Variants in PLD5 observed in about 807,000 individuals in gnomAD.
PLD5 encodes inactive phospholipase D5.
In PLD5, 36 loss-of-function variants were observed where a neutral mutation model predicts 61.1. That is an observed-to-expected ratio of 0.59 (90% CI 0.45 to 0.78). PLD5 has a LOEUF of 0.78. Ranked by LOEUF, PLD5 falls within the 30% of genes least tolerant of loss-of-function variation. The pLI, the probability that PLD5 is intolerant of heterozygous loss-of-function variation, is 0.00. For synonymous variants in PLD5, 243 were observed against 242.8 expected (o/e 1.00, Z -0.01); for missense variants, 515 against 644.4 (o/e 0.80, Z 2.17).
intron 1 of PLD5, among the ~76,000 whole-genome samples, chr1:242,409,546 T>C (rs1004929104): frequency 1.3e-5 from 2 of 152,058 alleles, no homozygotes; most frequent in African/African-American, 4.8e-5. Context: ...AGGTGCTTTG[T>C]GTGTATGGTT....
chr1:242,136,356 T>A (rs1663726281), intron 5 of PLD5, among the ~76,000 whole-genome samples: 2 of 152,204 alleles, frequency 1.3e-5, no homozygotes, highest in South Asian at 4.1e-4. Context: ...CATCGACCTT[T>A]GTGCTGTATC....
At chr1:242,275,357 TTTAC>T (rs1481140015) in intron 3 of PLD5, among the ~76,000 whole-genome samples, 5 of 152,006 alleles carry the variant, frequency 3.3e-5, no homozygotes, top group Non-Finnish European at 7.4e-5. Context: ...TTGATATTTA[TTTAC>T]TTATATTACT....
chr1:242,212,769 A>T (rs560253143), intron 5 of PLD5, among the ~76,000 whole-genome samples: 2 of 152,222 alleles, frequency 1.3e-5, no homozygotes, highest in Non-Finnish European at 2.9e-5. Context: ...TACAAGCGAC[A>T]TCCCAGATTG....
At chr1:242,304,317 G>C (rs966004497) in intron 2 of PLD5, among the ~76,000 whole-genome samples, 1 of 152,206 alleles carries the variant, frequency 6.6e-6, no homozygotes, top group Admixed American at 6.5e-5. Context: ...TGGCCACACA[G>C]CACAGAAGAC....
At chr1:242,370,469 T>C (rs561866404) in intron 1 of PLD5, among the ~76,000 whole-genome samples, 1 of 152,014 alleles carries the variant, frequency 6.6e-6, no homozygotes, top group South Asian at 2.1e-4. Flanking sequence ...AGAATAGATG[T>C]GCCATTCTAA....
At chr1:242,152,057 A>G (rs913869509) in intron 5 of PLD5, among the ~76,000 whole-genome samples, 3 of 151,802 alleles carry the variant, frequency 2.0e-5, no homozygotes, top group African/African-American at 7.3e-5. Flanking sequence ...ATTTATTATC[A>G]TGCAGTTTGT....
intron 1 of PLD5, among the ~76,000 whole-genome samples, chr1:242,520,571 T>A (rs1001721490): frequency 6.6e-6 from 1 of 152,094 alleles, no homozygotes; most frequent in African/African-American, 2.4e-5. Context: ...ATTGAATAAG[T>A]AGGAGAGAAA....
chr1:242,508,483 TC>T (rs1668802089), intron 1 of PLD5, among the ~76,000 whole-genome samples: 1 of 152,096 alleles, frequency 6.6e-6, no homozygotes, highest in Non-Finnish European at 1.5e-5. Context: ...ATTGAGGAGC[TC>T]TTCACCACGC....
chr1:242,343,780 C>CAA (rs68193025), intron 2 of PLD5, among the ~76,000 whole-genome samples: 7 of 143,198 alleles, frequency 4.9e-5, no homozygotes, highest in African/African-American at 1.0e-4. Context: ...AAAAAAAATT[C>CAA]AAAAAAAAAA....
chr1:242,112,434 G>A (rs142384108), intron 7 of PLD5, among the ~76,000 whole-genome samples: 2,483 of 151,938 alleles, frequency 0.016, 66 homozygotes, highest in African/African-American at 0.055. Flanking sequence ...CCTGGGCTCA[G>A]GCGATTCTCC....
chr1:242,100,406 A>T (rs962422662), intron 9 of PLD5, among the ~76,000 whole-genome samples: 3 of 152,230 alleles, frequency 2.0e-5, no homozygotes, highest in African/African-American at 4.8e-5. Context: ...ACAATGAGGC[A>T]AATGGACCAG....
chr1:242,311,197 A>G (rs1298860546), intron 2 of PLD5, among the ~76,000 whole-genome samples: 1 of 152,208 alleles, frequency 6.6e-6, no homozygotes, highest in Non-Finnish European at 1.5e-5. Flanking sequence ...ACCACAAATG[A>G]CTAAAAAAAA....
intron 5 of PLD5, among the ~76,000 whole-genome samples, chr1:242,203,953 T>C (rs376158000): frequency 2.0e-4 from 31 of 152,244 alleles, no homozygotes; most frequent in African/African-American, 7.5e-4. Flanking sequence ...TACAAAGTCT[T>C]AGGCCGGTTG....
rs568650563 is a variant in PLD5, at chr1:242,247,110, T to A, written c.607+18227A>T. Among the ~76,000 whole-genome samples the A allele has an allele frequency of 6.7e-4, 101 of 151,852 alleles. 1 individual carries two copies. Among genetic ancestry groups the A allele is most frequent in the Middle Eastern group, 3.4e-3 (1 of 294 alleles). ...GCCATTCTCCTGCCTCAGCCTCCCGTGTAGCTGGGACTACAGGCGCCCGCC... is the reference window on the plus strand; with the variant it reads ...GCCATTCTCCTGCCTCAGCCTCCCGAGTAGCTGGGACTACAGGCGCCCGCC... On this transcript the variant is annotated intron_variant, in intron 4 of 9. Transcript: ENST00000536534.
At chr1:242,347,933 T>C (rs1192553743) in intron 2 of PLD5, among the ~76,000 whole-genome samples, 173 bp downstream of exon 2, 1 of 152,166 alleles carries the variant, frequency 6.6e-6, no homozygotes, top group Non-Finnish European at 1.5e-5. Flanking sequence ...CAATCATTAC[T>C]CATTACTTGC....
intron 1 of PLD5, among the ~76,000 whole-genome samples, chr1:242,349,870 G>T (rs935357559): frequency 6.6e-6 from 1 of 152,136 alleles, no homozygotes; most frequent in Non-Finnish European, 1.5e-5. Flanking sequence ...ACAGAGTTTT[G>T]CCCTCATGAA....
At chr1:242,178,622 C>A (rs1246032914) in intron 5 of PLD5, among the ~76,000 whole-genome samples, 1 of 152,164 alleles carries the variant, frequency 6.6e-6, no homozygotes, top group African/African-American at 2.4e-5. Context: ...TTGTATTATG[C>A]TGCCAGCTAC....
chr1:242,178,127 A>G (rs1667289084), intron 5 of PLD5, among the ~76,000 whole-genome samples: 1 of 152,246 alleles, frequency 6.6e-6, no homozygotes, highest in Non-Finnish European at 1.5e-5. Flanking sequence ...ACCAGGTTAA[A>G]GCTTATCCAG....
intron 1 of PLD5, among the ~76,000 whole-genome samples, chr1:242,382,066 G>C (rs1206519912): frequency 6.7e-6 from 1 of 150,276 alleles, no homozygotes; most frequent in Non-Finnish European, 1.5e-5. Context: ...GAGAGGGAAA[G>C]GAGAAACAGT....
Sources: allele counts gnomAD v4.1 joint callset (sites outside exome capture counted in the v4.1 genomes callset), GRCh38; gene constraint gnomAD v4.1.1; transcripts MANE v1.5; gene names NCBI Gene and HGNC (gene_info 2026-07-23, HGNC 2026-07-21).